ERC2: variants seen among roughly 807,000 people sequenced by gnomAD.
ERC2 encodes ERC protein 2.
In ERC2, 42 loss-of-function variants were observed where a neutral mutation model predicts 114.8. The observed-to-expected ratio is 0.37, with a 90% CI of 0.29 to 0.47. ERC2 has a LOEUF of 0.47. Among genes scored for constraint, ERC2 ranks in the 20% least tolerant of loss-of-function variants. The pLI is 0.99. For missense variants in ERC2, 939 were observed against 1,150.7 expected, an observed-to-expected ratio of 0.82 and a Z score of 2.66; for synonymous variants, 454 against 425.5, an observed-to-expected ratio of 1.07 and a Z score of -0.82.
At chr3:56,459,149 C>T (rs1271556240) in intron 1 of ERC2, among the ~76,000 whole-genome samples, 7 of 152,192 alleles carry the variant, frequency 4.6e-5, no homozygotes, top group Admixed American at 4.6e-4. Context: ...GGATGAACTC[C>T]TGACCACACC....
At chr3:55,725,770 C>G (rs1319961756) in intron 15 of ERC2, among the ~76,000 whole-genome samples, 1 of 152,176 alleles carries the variant, frequency 6.6e-6, no homozygotes, top group Non-Finnish European at 1.5e-5. Context: ...GGGAAGATGC[C>G]CTTCTGATAG....
At position 56,097,223 on chromosome 3, in the gene ERC2, C is replaced by T. The variant is rs555750503; in HGVS notation, c.1474-16239G>A. Among the ~76,000 whole-genome samples the T allele has an allele frequency of 1.2e-4, 18 of 152,132 alleles. No individual in the cohort carries two copies. In the South Asian group the frequency reaches 3.1e-3, roughly 26 times the overall value. On this transcript the variant is annotated intron_variant, in intron 6 of 17. Coordinates refer to ENST00000288221, the MANE Select transcript of ERC2 (RefSeq NM_015576.3). Reference sequence around the variant, plus strand: ...GGAAGCATTTTCATACTAAGGAACACGGAGCTGGAAAAAGAACTGAGCTCC... The same window carrying T: ...GGAAGCATTTTCATACTAAGGAACATGGAGCTGGAAAAAGAACTGAGCTCC...
chr3:56,276,840 A>C (rs905833271), intron 3 of ERC2, among the ~76,000 whole-genome samples: 2 of 152,184 alleles, frequency 1.3e-5, no homozygotes, highest in African/African-American at 4.8e-5. Context: ...CTAAAAACAC[A>C]CACATACACA....
intron 2 of ERC2, among the ~76,000 whole-genome samples, chr3:56,373,497 A>C (rs1310917138): frequency 6.6e-6 from 1 of 152,246 alleles, no homozygotes; most frequent in African/African-American, 2.4e-5. Context: ...AAGCATACTT[A>C]AGGCTCAACA....
Position 55,819,378 on chromosome 3 carries a change from G to A in ERC2, c.2564+69011C>T, listed in dbSNP as rs117628236. Among the ~76,000 whole-genome samples the A allele has an allele frequency of 3.2e-3, 486 of 152,196 alleles. 14 individuals are homozygous for A. In the East Asian group the frequency reaches 0.057, roughly 18 times the overall value. Reference sequence around the variant, plus strand: ...TAAAATCAGATAATGATGGTTTTTCGCCTTTCTGTTGAGCAAATATCCTCA... The same window carrying A: ...TAAAATCAGATAATGATGGTTTTTCACCTTTCTGTTGAGCAAATATCCTCA... On this transcript the variant is annotated intron_variant, in intron 14 of 17. Coordinates refer to ENST00000288221, the MANE Select transcript of ERC2 (RefSeq NM_015576.3).
At chr3:55,623,664 C>G (rs1340940741) in intron 17 of ERC2, among the ~76,000 whole-genome samples, 2 of 152,138 alleles carry the variant, frequency 1.3e-5, no homozygotes, top group Non-Finnish European at 2.9e-5. Flanking sequence ...AACTATTCAC[C>G]CTGCCACTCT....
intron 1 of ERC2, among the ~76,000 whole-genome samples, chr3:56,465,508 A>C (rs1273786038): frequency 6.6e-6 from 1 of 152,252 alleles, no homozygotes; most frequent in Non-Finnish European, 1.5e-5. Context: ...GTAAATAACA[A>C]AGAAAATAAA....
intron 3 of ERC2, among the ~76,000 whole-genome samples, chr3:56,200,077 ATACCTATC>A (rs11277064): frequency 0.45 from 67,904 of 151,518 alleles, 15,725 homozygotes; most frequent in East Asian, 0.71. Flanking sequence ...AATGGATTGA[ATACCTATC>A]TCTCAAGAGT....
At chr3:55,693,849 C>T (rs1248773078) in intron 16 of ERC2, among the ~76,000 whole-genome samples, 1 of 151,980 alleles carries the variant, frequency 6.6e-6, no homozygotes, top group African/African-American at 2.4e-5. Context: ...GCTGGGATTA[C>T]AGGCACTCAC....
chr3:56,249,855 CTTTTTT>C (rs34668162), intron 3 of ERC2, among the ~76,000 whole-genome samples: 1 of 112,822 alleles, frequency 8.9e-6, no homozygotes, highest in Non-Finnish European at 1.7e-5. Flanking sequence ...CATCAAATTT[CTTTTTT>C]TTTTTTTTTT....
chr3:55,735,328 A>G (rs2065564394), intron 14 of ERC2, among the ~76,000 whole-genome samples: 2 of 152,208 alleles, frequency 1.3e-5, no homozygotes, highest in East Asian at 3.9e-4. Context: ...AAAGATGTTT[A>G]TTTGGCTCAT....
chr3:55,716,587 T>C (rs2064133873), intron 15 of ERC2, among the ~76,000 whole-genome samples: 1 of 152,216 alleles, frequency 6.6e-6, no homozygotes, highest in Non-Finnish European at 1.5e-5. Flanking sequence ...GAAGCTGCTC[T>C]AGATACCTGA....
At chr3:56,343,184 T>TCACA (rs1351713528) in intron 2 of ERC2, among the ~76,000 whole-genome samples, 1 of 16,926 alleles carries the variant, frequency 5.9e-5, no homozygotes, top group Non-Finnish European at 1.9e-4. Flanking sequence ...TCTCTCTCTC[T>TCACA]CTCTCTCTCA....
At chr3:55,766,640 A>T (rs928045358) in intron 14 of ERC2, 2 of 152,098 alleles carry the variant, frequency 1.3e-5, no homozygotes, top group African/African-American at 4.8e-5. Context: ...TGAAGACCCA[A>T]AAAGGAGGGT....
chr3:55,696,599 A>G (rs2062943562), intron 16 of ERC2, among the ~76,000 whole-genome samples: 1 of 152,242 alleles, frequency 6.6e-6, no homozygotes, highest in Non-Finnish European at 1.5e-5. Flanking sequence ...GGTCTACACA[A>G]TTAAGTGTAG....
chr3:55,772,053 A>G lies in ERC2; in HGVS notation c.2565-37135T>C, dbSNP rs189898010. On this transcript the variant is annotated intron_variant, in intron 14 of 17. Transcript: ENST00000288221. ...GCCCATCAGGACTGTTGTGAGTATT[A>G]AATAAGAAAATCCATGCCCAAAGGT... 1.1e-4 allele frequency among the ~76,000 whole-genome samples: 17 copies of G among 149,682 alleles called. No individual in the cohort carries two copies. The South Asian group carries it at 2.9e-3, about 26-fold the overall frequency.
chr3:56,431,966 C>T (rs2061811481), intron 2 of ERC2, among the ~76,000 whole-genome samples: 1 of 152,216 alleles, frequency 6.6e-6, no homozygotes, highest in African/African-American at 2.4e-5. Context: ...CATTCACACA[C>T]TCCTGGCTTA....
At chr3:56,280,687 A>G (rs2150319617) in intron 3 of ERC2, among the ~76,000 whole-genome samples, 1 of 152,322 alleles carries the variant, frequency 6.6e-6, no homozygotes, top group African/African-American at 2.4e-5. Context: ...AACTAGGTCT[A>G]CCGAGTTTTC....
At chr3:56,410,947 T>A (rs1386366167) in intron 2 of ERC2, among the ~76,000 whole-genome samples, 1 of 151,580 alleles carries the variant, frequency 6.6e-6, no homozygotes. Flanking sequence ...GATATTTATA[T>A]GAATCAACTA....
Sources: allele counts gnomAD v4.1 joint callset (sites outside exome capture counted in the v4.1 genomes callset), GRCh38; gene constraint gnomAD v4.1.1; transcripts MANE v1.5; gene names NCBI Gene and HGNC (gene_info 2026-07-23, HGNC 2026-07-21).